ZBTB37: variants seen among roughly 807,000 people sequenced by gnomAD.
The protein encoded by ZBTB37 is zinc finger and BTB domain-containing protein 37.
ZBTB37 carries 15 observed loss-of-function variants against 37.7 expected under a neutral mutation model. The ratio of observed to expected loss-of-function variants is 0.40; its 90% CI spans 0.27 to 0.61. ZBTB37 has a LOEUF of 0.61. Ranked by LOEUF, ZBTB37 falls within the 20% of genes least tolerant of loss-of-function variation. ZBTB37 has a pLI of 0.44. For synonymous variants in ZBTB37, 231 were observed against 220.6 expected (o/e 1.05, Z -0.42); for missense variants, 514 against 641.9 (o/e 0.80, Z 2.15).
chr1:173,870,459 T>A lies in ZBTB37; in HGVS notation c.234T>A (p.Thr78=), dbSNP rs753597466. ...CCATTTCAGTCATCAAGAACCCTAC[T>A]GTTTTTGAACAGCTCCTTTCTTTCT... The change falls in exon 3 of 5, where the codon ACT becomes ACA. Residue 78 remains threonine, a synonymous_variant. Transcript: ENST00000427304. 1.6e-5 allele frequency: 26 copies of A among 1,614,144 alleles called. No homozygotes were observed. The Admixed American group carries it at 2.0e-4, about 12-fold the overall frequency.
rs374497796 is a variant in ZBTB37 at position 173,873,927 on chromosome 1, A to G, written c.1023+361A>G. On this transcript the variant is annotated intron_variant, in intron 4 of 4. Transcript: ENST00000427304. Reference sequence around the variant, plus strand: ...GTGGCAATTTTGATAAATACAGAAAAGAACAATTGGCTAAAACTCTTAGCA... The same window carrying G: ...GTGGCAATTTTGATAAATACAGAAAGGAACAATTGGCTAAAACTCTTAGCA... 4.7e-4 allele frequency among the ~76,000 whole-genome samples: 72 copies of G among 152,366 alleles called. No individual in the cohort carries two copies. In the Middle Eastern group the frequency reaches 0.014, roughly 29 times the overall value.
intron 3 of ZBTB37, 52 bp downstream of exon 3, chr1:173,871,200 C>G: frequency 6.8e-7 from 1 of 1,478,146 alleles, no homozygotes; most frequent in Non-Finnish European, 9.1e-7. Flanking sequence ...GTGTAGACAT[C>G]ACTAAAGTGT....
chr1:173,896,572 G>T (rs559358362), exon 4 of ZBTB37: 27 of 152,278 alleles, frequency 1.8e-4, no homozygotes, highest in African/African-American at 5.5e-4. Flanking sequence ...AATTGCAAGA[G>T]AGAACAAAGC....
At chr1:173,884,191 A>G (rs1339670024) in intron 4 of ZBTB37, among the ~76,000 whole-genome samples, 1 of 147,480 alleles carries the variant, frequency 6.8e-6, no homozygotes, top group Non-Finnish European at 1.5e-5. Flanking sequence ...TTGCTTTGTC[A>G]CCCAGCCTGG....
At chr1:173,869,013 G>A (rs1655289980) in exon 2 of ZBTB37, 1 of 152,672 alleles carries the variant, frequency 6.5e-6, no homozygotes, top group South Asian at 2.1e-4. Context: ...AAACAAAAAA[G>A]GCGCTGGTGT....
At chr1:173,875,114 T>TTG (rs1655860248) in intron 4 of ZBTB37, among the ~76,000 whole-genome samples, 1 of 93,384 alleles carries the variant, frequency 1.1e-5, no homozygotes, top group Non-Finnish European at 2.1e-5. Context: ...AGTCTGATTA[T>TTG]TATGTGTGTG....
downstream of ZBTB37, chr1:173,887,631 A>C (rs1413149688): frequency 1.3e-5 from 2 of 152,230 alleles, no homozygotes; most frequent in Non-Finnish European, 2.9e-5. Flanking sequence ...ATATTAAGGG[A>C]TGCCGGCAAA....
At chr1:173,879,781 A>G (rs1656196048) in intron 4 of ZBTB37, among the ~76,000 whole-genome samples, 1 of 152,032 alleles carries the variant, frequency 6.6e-6, no homozygotes, top group African/African-American at 2.4e-5. Context: ...GTGAAACCCC[A>G]TCTCTACTAA....
chr1:173,892,917 G>C (rs1400651299), exon 4 of ZBTB37: 1 of 152,150 alleles, frequency 6.6e-6, no homozygotes, highest in Non-Finnish European at 1.5e-5. Flanking sequence ...GTTTTGTTTT[G>C]TTTAAGACAG....
chr1:173,898,905 C>T (rs1374072494), exon 4 of ZBTB37: 1 of 152,202 alleles, frequency 6.6e-6, no homozygotes, highest in Non-Finnish European at 1.5e-5. Context: ...ATTATATTGT[C>T]TAAATGTCTA....
intron 4 of ZBTB37, among the ~76,000 whole-genome samples, chr1:173,881,781 G>T (rs56382804): frequency 0.1 from 15,888 of 152,122 alleles, 941 homozygotes; most frequent in Middle Eastern, 0.18. Flanking sequence ...TCGGCCGGGC[G>T]TGGTGGCTCA....
intron 4 of ZBTB37, among the ~76,000 whole-genome samples, chr1:173,879,578 C>T (rs1482058109): frequency 6.6e-6 from 1 of 152,102 alleles, no homozygotes; most frequent in Non-Finnish European, 1.5e-5. Context: ...GGTACAGAAC[C>T]TTCTGTCAAA....
rs760931460 is a variant in ZBTB37, at chr1:173,873,699, T to C, written c.1023+133T>C. ...TGTTAAAGAAATACTGTATTTTTTT[T>C]CCCTGAGGGTAGCAGAAGTTTAATA... is the stretch of plus-strand genomic sequence containing the variant. On this transcript the variant is annotated intron_variant, in intron 4 of 4. Coordinates refer to ENST00000427304, the Ensembl canonical transcript of ZBTB37. 4.9e-5 allele frequency: 68 copies of C among 1,381,048 alleles called. 1 individual carries two copies. Among genetic ancestry groups the C allele is most frequent in the Middle Eastern group, 2.2e-4 (1 of 4,560 alleles). The allele number at this position is 1,381,048 out of a possible 1,614,324, so 85.5% of individuals were successfully genotyped here. A position where few individuals can be genotyped will look rare whatever the true frequency, so the allele number is the denominator to read the frequency against.
downstream of ZBTB37, chr1:173,889,145 A>G (rs1397115420): frequency 6.6e-6 from 1 of 152,182 alleles, no homozygotes; most frequent in Admixed American, 6.5e-5. Context: ...TCTGAAAACA[A>G]TTTCAGCTTT....
rs750854723 is a variant in ZBTB37 at position 173,873,584 on chromosome 1, T to A, written c.1023+18T>A. ...GCTCCCAGGTATGGAGTTGTGGATT[T>A]AGAACTGCTTTGGTGGTTGGAGGAA... On this transcript the variant is annotated intron_variant, in intron 4 of 4. Transcript: ENST00000427304. 1 of 1,613,782 alleles carries A rather than the reference T, an allele frequency of 6.2e-7. No homozygotes were observed. Among genetic ancestry groups the A allele is most frequent in the Non-Finnish European group, 8.5e-7 (1 of 1,179,834 alleles).
exon 4 of ZBTB37, chr1:173,895,852 G>A (rs2102763209): frequency 6.6e-6 from 1 of 152,270 alleles, no homozygotes; most frequent in East Asian, 1.9e-4. Flanking sequence ...CCTGCTCTGA[G>A]AAGAAATATG....
exon 5 of ZBTB37, chr1:173,886,340 G>T: frequency 1.5e-6 from 1 of 676,936 alleles, no homozygotes. Flanking sequence ...AAATAATCAA[G>T]CAAATCAACT....
At chr1:173,895,516 T>C (rs921487503) in exon 4 of ZBTB37, 1 of 152,222 alleles carries the variant, frequency 6.6e-6, no homozygotes, top group African/African-American at 2.4e-5. Context: ...GCTGAATCTC[T>C]TTCAACAGGA....
chr1:173,875,310 A>ATG (rs1655890745), intron 4 of ZBTB37, among the ~76,000 whole-genome samples: 19 of 137,334 alleles, frequency 1.4e-4, no homozygotes, highest in African/African-American at 5.4e-4. Context: ...TTATATATAT[A>ATG]TGTGTGCATA....
Sources: allele counts gnomAD v4.1 joint callset (sites outside exome capture counted in the v4.1 genomes callset), GRCh38; gene constraint gnomAD v4.1.1; transcripts MANE v1.5; gene names NCBI Gene and HGNC (gene_info 2026-07-23, HGNC 2026-07-21).